KCNG3: variants seen among roughly 807,000 people sequenced by gnomAD.
KCNG3 encodes the protein potassium voltage-gated channel modifier subfamily G member 3.
In KCNG3, 15 loss-of-function variants were observed where a neutral mutation model predicts 29.0. The ratio of observed to expected loss-of-function variants is 0.52; its 90% confidence interval spans 0.35 to 0.80. The LOEUF is 0.80. Among genes scored for constraint, KCNG3 ranks in the 30% least tolerant of loss-of-function variants. The pLI is 0.01. For missense variants in KCNG3, 512 were observed against 605.7 expected, an observed-to-expected ratio of 0.85 and a Z score of 1.62; for synonymous variants, 322 against 248.9, an observed-to-expected ratio of 1.29 and a Z score of -2.76.
chr2:42,407,038 A>G, the KCNG3 span, among the ~76,000 whole-genome samples: 1 of 152,096 alleles, frequency 6.6e-6, no homozygotes, highest in Non-Finnish European at 1.5e-5. Context: ...AAAAAACAAA[A>G]CACAAAACAC....
At chr2:42,452,863 C>A (rs1672796958) in intron 1 of KCNG3, among the ~76,000 whole-genome samples, 1 of 152,118 alleles carries the variant, frequency 6.6e-6, no homozygotes, top group African/African-American at 2.4e-5. Context: ...CTCACTGCAA[C>A]CTGCGCCTCC....
the KCNG3 span, among the ~76,000 whole-genome samples, chr2:42,403,612 CTTT>C: frequency 1.5e-5 from 2 of 130,884 alleles, no homozygotes; most frequent in African/African-American, 6.3e-5. Context: ...CTCTACGTGA[CTTT>C]TTTTTCTTTT....
At chr2:42,405,805 A>T in the KCNG3 span, among the ~76,000 whole-genome samples, 1 of 151,924 alleles carries the variant, frequency 6.6e-6, no homozygotes, top group Non-Finnish European at 1.5e-5. Context: ...ATGGCGTTTC[A>T]CCATGTTAGC....
At chr2:42,422,200 A>C in the KCNG3 span, among the ~76,000 whole-genome samples, 3 of 152,182 alleles carry the variant, frequency 2.0e-5, no homozygotes, top group Non-Finnish European at 4.4e-5. Context: ...TCAGTGTAAC[A>C]GTGTTGAGAG....
At chr2:42,460,758 C>G (rs1047272398) in intron 1 of KCNG3, among the ~76,000 whole-genome samples, 2 of 152,122 alleles carry the variant, frequency 1.3e-5, no homozygotes, top group African/African-American at 4.8e-5. Flanking sequence ...GGCCACTGAC[C>G]AGTGTTTAGG....
In KCNG3 at chr2:42,477,427, A is replaced by ATAT. The variant is rs1226842530; in HGVS notation, c.665+15409_665+15410insATA. 2.0e-3 allele frequency among the ~76,000 whole-genome samples: 223 copies of ATAT among 108,978 alleles called. 7 individuals carry two copies. Among genetic ancestry groups the ATAT allele is most frequent in the African/African-American group, 8.7e-3 (216 of 24,884 alleles). 71.5% of individuals were successfully genotyped at this position (108,978 alleles called of 152,430 possible). On this transcript the variant is annotated intron_variant, in intron 1 of 1. Transcript: ENST00000306078. ...CACACACACACACACACACACATAT[A>ATAT]TTTTTTTTTTTTTTTTTTGAGACGG... is the stretch of plus-strand genomic sequence containing the variant.
intron 1 of KCNG3, among the ~76,000 whole-genome samples, chr2:42,473,756 T>C (rs111927585): frequency 1.3e-5 from 2 of 152,344 alleles, no homozygotes; most frequent in African/African-American, 4.8e-5. Context: ...AGGAATTCGG[T>C]TTTTAAATGC....
the KCNG3 span, chr2:42,388,665 G>A: frequency 6.6e-6 from 1 of 152,086 alleles, no homozygotes; most frequent in African/African-American, 2.4e-5. Context: ...TCCTATTAGA[G>A]TAGAATCCTA....
At chr2:42,469,228 C>A (rs1673224686) in intron 1 of KCNG3, among the ~76,000 whole-genome samples, 1 of 151,730 alleles carries the variant, frequency 6.6e-6, no homozygotes, top group Non-Finnish European at 1.5e-5. Flanking sequence ...ACCAGCCTGG[C>A]CAACATGGGG....
chr2:42,487,196 C>G (rs1320832469), intron 1 of KCNG3, among the ~76,000 whole-genome samples: 13 of 149,878 alleles, frequency 8.7e-5, no homozygotes, highest in Non-Finnish European at 1.8e-4. Context: ...TTTTTTTAAT[C>G]ATTATGCATT....
chr2:42,432,125 G>A, the KCNG3 span, among the ~76,000 whole-genome samples: 7 of 152,084 alleles, frequency 4.6e-5, no homozygotes, highest in African/African-American at 1.7e-4. Context: ...GATCTCTCAG[G>A]GTGTCAGGGC....
chr2:42,477,707 C>T (rs1558386835), intron 1 of KCNG3, among the ~76,000 whole-genome samples: 1 of 151,718 alleles, frequency 6.6e-6, no homozygotes, highest in South Asian at 2.1e-4. Context: ...AGCGAAAATC[C>T]GTCTCTATTA....
the KCNG3 span, among the ~76,000 whole-genome samples, chr2:42,416,851 T>C: frequency 6.6e-6 from 1 of 150,898 alleles, no homozygotes; most frequent in Non-Finnish European, 1.5e-5. Flanking sequence ...AAATGATAGA[T>C]GTTTAAGGTG....
Position 42,474,228 on chromosome 2 carries a change from G to GA in KCNG3, c.665+18608dup, listed in dbSNP as rs552783168. 2.5e-4 allele frequency among the ~76,000 whole-genome samples: 37 copies of GA among 147,668 alleles called. No homozygotes were observed. In the East Asian group the frequency reaches 4.2e-3, roughly 17 times the overall value. ...ACAGAGCAAGAGTTCATCTCGGAGA[G>GA]AAAAAAAAACACTGTTCGGCCAGGC... On this transcript the variant is annotated intron_variant, in intron 1 of 1. Transcript: ENST00000306078.
the KCNG3 span, among the ~76,000 whole-genome samples, chr2:42,425,269 C>T: frequency 4.7e-5 from 7 of 149,554 alleles, no homozygotes; most frequent in Non-Finnish European, 7.4e-5. Flanking sequence ...GGCGTGGTGG[C>T]GCGCCTGTAG....
chr2:42,467,445 AT>A, intron 1 of KCNG3, among the ~76,000 whole-genome samples: 1 of 152,170 alleles, frequency 6.6e-6, no homozygotes, highest in South Asian at 2.1e-4. Context: ...AGGCGGGTGG[AT>A]CATCTGAGGT....
chr2:42,451,908 A>C (rs1012274441), intron 1 of KCNG3, among the ~76,000 whole-genome samples: 19 of 151,686 alleles, frequency 1.3e-4, no homozygotes, highest in Non-Finnish European at 2.1e-4. Context: ...TCAAAAACAA[A>C]AACAACAACA....
At chr2:42,489,365 G>A (rs374302250) in intron 1 of KCNG3, among the ~76,000 whole-genome samples, 3 of 152,202 alleles carry the variant, frequency 2.0e-5, no homozygotes, top group African/African-American at 7.2e-5. Context: ...CTCCGGCCTG[G>A]GTGACAGAGT....
intron 1 of KCNG3, among the ~76,000 whole-genome samples, chr2:42,466,816 G>A (rs764380112): frequency 3.4e-5 from 5 of 149,124 alleles, no homozygotes; most frequent in African/African-American, 7.4e-5. Flanking sequence ...GCAGTGGTGC[G>A]ATCTCGGCTC....
Sources: gnomAD v4.1 joint callset for allele counts (sites outside exome capture counted in the v4.1 genomes callset) on GRCh38, gnomAD v4.1.1 for gene constraint, MANE v1.5 for transcripts, NCBI Gene and HGNC (gene_info 2026-07-23, HGNC 2026-07-21) for gene names.